Variants in CCDC148 observed in about 807,000 individuals in gnomAD.
CCDC148 encodes the protein coiled-coil domain-containing protein 148.
Under a neutral mutation model 85.7 loss-of-function variants are expected in CCDC148, and 89 were observed. The observed-to-expected ratio is 1.04, with a 90% CI of 0.87 to 1.24. The LOEUF is 1.24. CCDC148 is among the 50% of genes most tolerant of loss of function. CCDC148 has a pLI of 0.00. For synonymous variants in CCDC148, 230 were observed against 213.9 expected (o/e 1.08, Z -0.66); for missense variants, 692 against 671.7 (o/e 1.03, Z -0.33).
rs372832063 is a variant in CCDC148 at position 158,331,323 on chromosome 2, G to C, written c.764+7403C>G. 5.3e-5 allele frequency among the ~76,000 whole-genome samples: 8 copies of C among 152,300 alleles called. No homozygotes were observed. The South Asian group carries it at 1.4e-3, about 28-fold the overall frequency. On this transcript the variant is annotated intron_variant, in intron 7 of 13. Coordinates refer to ENST00000283233, the MANE Select transcript of CCDC148 (RefSeq NM_138803.4). ...TCCATGTAGTTGAGCAGTTTTGAGT[G>C]AGTTTCTTAATCCTGAGTTCTAGTT...
Position 158,418,302 on chromosome 2 carries a change from T to C in CCDC148, c.25+38113A>G, listed in dbSNP as rs78170075. Among the ~76,000 whole-genome samples, 505 of 152,266 alleles carry C rather than the reference T, an allele frequency of 3.3e-3. 4 individuals carry two copies. Among genetic ancestry groups the C allele is most frequent in the African/African-American group, 0.011 (464 of 41,528 alleles). ...TCCATTCTAAAATTTTATGATAATA[T>C]ATGGTTTTCTCTGTAGCATAATTAA... On this transcript the variant is annotated intron_variant, in intron 1 of 13. Coordinates refer to ENST00000283233, the MANE Select transcript of CCDC148 (RefSeq NM_138803.4).
At chr2:158,254,528 A>G (rs935770107) in intron 9 of CCDC148, among the ~76,000 whole-genome samples, 1 of 151,696 alleles carries the variant, frequency 6.6e-6, no homozygotes, top group Non-Finnish European at 1.5e-5. Flanking sequence ...ATACTAAAAA[A>G]TGTATTGAAA....
chr2:158,195,482 C>T (rs771693067), intron 11 of CCDC148, among the ~76,000 whole-genome samples: 8 of 152,176 alleles, frequency 5.3e-5, no homozygotes, highest in Admixed American at 4.6e-4. Context: ...TGAAGTTTTG[C>T]GTTTTTGCTA....
intron 12 of CCDC148, among the ~76,000 whole-genome samples, chr2:158,177,265 T>C (rs1684637003): frequency 1.3e-5 from 2 of 152,032 alleles, no homozygotes; most frequent in African/African-American, 4.8e-5. Context: ...CAAATGCCCT[T>C]GTCTTTTATA....
In CCDC148 at chr2:158,274,345, A is replaced by T. The variant is rs527790711; in HGVS notation, c.1111-23433T>A. The stretch of plus-strand genomic sequence containing the variant: ...TCCCTGAATTTTTCCATTTTAGAAA[A>T]TTACTGACAGCAACACCATTCATGG... On this transcript the variant is annotated intron_variant, in intron 9 of 13. Transcript: ENST00000283233. 2.7e-4 allele frequency among the ~76,000 whole-genome samples: 41 copies of T among 149,554 alleles called. No individual in the cohort carries two copies. In the South Asian group the frequency reaches 8.8e-3, roughly 32 times the overall value.
chr2:158,345,274 T>C lies in CCDC148; in HGVS notation c.192A>G (p.Thr64=), dbSNP rs566761871. 1.9e-6 allele frequency: 3 copies of C among 1,613,616 alleles called. No individual in the cohort carries two copies. The Admixed American group carries it at 5.0e-5, about 27-fold the overall frequency. Residue 64 remains threonine (T), a synonymous_variant, in exon 3 of 14, where the codon ACA becomes ACG. Coordinates refer to ENST00000283233, the MANE Select transcript of CCDC148 (RefSeq NM_138803.4). ...ACACTTGCTTGTGTTGTTTTATTAG[T>C]GTTTGTTCTTTGGATAACTTTGAAG... The part of the protein sequence containing the change: ...MLTSKLSKEQ[T]LIKQHKQVWW...
intron 9 of CCDC148, among the ~76,000 whole-genome samples, chr2:158,291,023 T>C (rs1322209310): frequency 6.6e-6 from 1 of 151,952 alleles, no homozygotes; most frequent in African/African-American, 2.4e-5. Context: ...ACCGAGACGA[T>C]GGCAATAGAA....
Position 158,217,693 on chromosome 2 carries a change from C to T in CCDC148, c.1370+2902G>A, listed in dbSNP as rs958281284. ...TGCTGGGATTATAGGCATGAGCCAC[C>T]GCACCCGGTCGAATATTGTTTTTAA... On this transcript the variant is annotated intron_variant, in intron 11 of 13. Transcript: ENST00000283233. Among the ~76,000 whole-genome samples, 3 of 152,008 alleles carry T rather than the reference C, an allele frequency of 2.0e-5. No homozygotes were observed. The East Asian group carries it at 5.8e-4, about 29-fold the overall frequency.
intron 9 of CCDC148, among the ~76,000 whole-genome samples, chr2:158,272,126 T>G (rs1689725911): frequency 6.6e-6 from 1 of 152,198 alleles, no homozygotes; most frequent in Non-Finnish European, 1.5e-5. Flanking sequence ...TTAGATGACA[T>G]GAAAATTGTC....
At chr2:158,430,666 CCA>C (rs1234864883) in intron 1 of CCDC148, among the ~76,000 whole-genome samples, 1 of 151,998 alleles carries the variant, frequency 6.6e-6, no homozygotes, top group Non-Finnish European at 1.5e-5. Context: ...GATGTATATT[CCA>C]GTTACCCTGA....
intron 11 of CCDC148, among the ~76,000 whole-genome samples, chr2:158,199,516 A>G (rs1685845323): frequency 1.3e-5 from 2 of 152,230 alleles, no homozygotes; most frequent in Admixed American, 1.3e-4. Flanking sequence ...AAGTGCTGGG[A>G]TTACAAGTGT....
intron 11 of CCDC148, among the ~76,000 whole-genome samples, chr2:158,213,589 G>A (rs960655458): frequency 6.6e-6 from 1 of 152,172 alleles, no homozygotes; most frequent in Non-Finnish European, 1.5e-5. Context: ...AAAGGCCCCT[G>A]TGCTTGGAAG....
intron 1 of CCDC148, among the ~76,000 whole-genome samples, chr2:158,438,278 T>C (rs1257333815): frequency 6.6e-6 from 1 of 152,024 alleles, no homozygotes; most frequent in Admixed American, 6.6e-5. Flanking sequence ...AAAACCGAGA[T>C]ATAGACCAAT....
chr2:158,420,784 C>T (rs12994508), intron 1 of CCDC148, among the ~76,000 whole-genome samples: 5,504 of 152,176 alleles, frequency 0.036, 141 homozygotes, highest in Non-Finnish European at 0.056. Context: ...TTAAAATACA[C>T]AGACTGGCAA....
At chr2:158,331,217 C>T (rs1693092850) in intron 7 of CCDC148, among the ~76,000 whole-genome samples, 1 of 152,194 alleles carries the variant, frequency 6.6e-6, no homozygotes, top group Non-Finnish European at 1.5e-5. Flanking sequence ...TCTTTGTTCT[C>T]ATTGGTTTCA....
chr2:158,280,085 T>C (rs1322315493), intron 9 of CCDC148, among the ~76,000 whole-genome samples: 1 of 151,986 alleles, frequency 6.6e-6, no homozygotes, highest in Non-Finnish European at 1.5e-5. Flanking sequence ...CTGAGAGATT[T>C]TGTCACCACC....
At chr2:158,449,600 C>T (rs953046631) in intron 1 of CCDC148, among the ~76,000 whole-genome samples, 4 of 152,128 alleles carry the variant, frequency 2.6e-5, no homozygotes, top group Admixed American at 1.3e-4. Flanking sequence ...AGGCACCCAC[C>T]ACCATGCCAA....
At chr2:158,213,490 T>C (rs766920609) in intron 11 of CCDC148, among the ~76,000 whole-genome samples, 26 of 152,196 alleles carry the variant, frequency 1.7e-4, no homozygotes, top group Non-Finnish European at 2.5e-4. Context: ...AGGAATAAGA[T>C]TGTTAACTAC....
chr2:158,279,346 C>T (rs1405828222), intron 9 of CCDC148, among the ~76,000 whole-genome samples: 1 of 152,098 alleles, frequency 6.6e-6, no homozygotes, highest in Non-Finnish European at 1.5e-5. Context: ...GGAGGAAATT[C>T]AAACCAAAGG....
Sources: gnomAD v4.1 joint callset for allele counts (sites outside exome capture counted in the v4.1 genomes callset) on GRCh38, gnomAD v4.1.1 for gene constraint, MANE v1.5 for transcripts, NCBI Gene and HGNC (gene_info 2026-07-23, HGNC 2026-07-21) for gene names.